The following DNAH5 variants were observed in gnomAD, a reference collection of about 807,000 sequenced individuals.
The protein encoded by DNAH5 is dynein axonemal heavy chain 5.
Under a neutral mutation model 518.2 loss-of-function variants are expected in DNAH5, and 372 were observed. That is an observed-to-expected ratio of 0.72 (90% CI 0.66 to 0.78). The LOEUF (loss-of-function observed/expected upper bound fraction) is 0.78, where lower values mean the gene tolerates loss of function less well. DNAH5 is among the 30% of genes least tolerant of loss of function. DNAH5 has a pLI of 0.00. For synonymous variants in DNAH5, 2,039 were observed against 2,025.9 expected (o/e 1.01, Z -0.17); for missense variants, 5,523 against 5,687.0 (o/e 0.97, Z 0.93).
intron 31 of DNAH5, among the ~76,000 whole-genome samples, chr5:13,846,791 G>A (rs1300320000): frequency 2.6e-5 from 4 of 152,158 alleles, no homozygotes; most frequent in African/African-American, 4.8e-5. Context: ...GTTCACTTTG[G>A]ACATGAGACA....
chr5:13,923,584 A>G, intron 3 of DNAH5, 144 bp from the exon 4 acceptor site: 2 of 855,084 alleles, frequency 2.3e-6, no homozygotes, highest in South Asian at 2.9e-5. Flanking sequence ...AACAATCTCT[A>G]GCATGAGCCG....
intron 21 of DNAH5, among the ~76,000 whole-genome samples, chr5:13,880,630 T>C (rs149118507): frequency 1.3e-5 from 2 of 151,900 alleles, no homozygotes; most frequent in Non-Finnish European, 2.9e-5. Flanking sequence ...AAATAGCCTA[T>C]AATTAGTATA....
intron 59 of DNAH5, among the ~76,000 whole-genome samples, chr5:13,765,447 A>C (rs1008993510): frequency 1.3e-5 from 2 of 152,208 alleles, no homozygotes; most frequent in Non-Finnish European, 2.9e-5. Flanking sequence ...TATCTGGATA[A>C]AGGTAAGGAT....
intron 1 of DNAH5, among the ~76,000 whole-genome samples, chr5:13,942,838 C>T (rs531863682): frequency 6.6e-6 from 1 of 152,284 alleles, no homozygotes; most frequent in African/African-American, 2.4e-5. Flanking sequence ...CCCATCACTC[C>T]CCAGATAGGT....
intron 49 of DNAH5, 150 bp from the exon 50 acceptor site, chr5:13,792,367 G>T: frequency 1.5e-6 from 1 of 661,472 alleles, no homozygotes; most frequent in Non-Finnish European, 2.6e-6. Flanking sequence ...ATGTTCTCTT[G>T]TTTTTTCAAA....
chr5:13,942,641 C>T (rs533870566), intron 1 of DNAH5, among the ~76,000 whole-genome samples: 1 of 152,200 alleles, frequency 6.6e-6, no homozygotes, highest in Non-Finnish European at 1.5e-5. Context: ...CTCCACCATC[C>T]CCCACGTGCT....
chr5:13,737,561 G>T (rs1429777820), intron 65 of DNAH5, 66 bp from the exon 66 acceptor site: 4 of 1,526,608 alleles, frequency 2.6e-6, no homozygotes, highest in Non-Finnish European at 3.6e-6. Context: ...TCCTTAAGAC[G>T]TTAACCTACA....
intron 62 of DNAH5, 71 bp from the exon 63 acceptor site, chr5:13,753,620 G>GA (rs568785201): frequency 3.7e-6 from 5 of 1,352,778 alleles, no homozygotes; most frequent in Non-Finnish European, 4.1e-6. Context: ...TATTAAAAAT[G>GA]AAAAAAATTA....
chr5:13,948,642 T>G (rs1202045603), upstream of DNAH5, among the ~76,000 whole-genome samples: 3 of 152,194 alleles, frequency 2.0e-5, no homozygotes, highest in Non-Finnish European at 2.9e-5. Context: ...TAAAAATGAT[T>G]GATTAATCTC....
chr5:13,755,244 C>A (rs1750829055), intron 61 of DNAH5, among the ~76,000 whole-genome samples: 1 of 152,044 alleles, frequency 6.6e-6, no homozygotes, highest in South Asian at 2.1e-4. Flanking sequence ...AGCTACCTGA[C>A]AAGTCACTGG....
chr5:13,734,993 A>T lies in DNAH5; in HGVS notation c.11761+138T>A, dbSNP rs527996878. On this transcript the variant is annotated intron_variant, in intron 68 of 78. Coordinates refer to ENST00000265104, the MANE Select transcript of DNAH5 (RefSeq NM_001369.3). ...TAGATAGTTATCACTCAAGAAAAGAACAAATAAAATATCTCATCTAAATGC... is the reference window on the plus strand; with the variant it reads ...TAGATAGTTATCACTCAAGAAAAGATCAAATAAAATATCTCATCTAAATGC... 3.8e-6 allele frequency: 3 copies of T among 792,526 alleles called. No homozygotes were observed. In the South Asian group the frequency reaches 4.5e-5, roughly 12 times the overall value. 49.1% of individuals were successfully genotyped at this position (792,526 alleles called of 1,614,324 possible).
intron 3 of DNAH5, among the ~76,000 whole-genome samples, chr5:13,926,547 G>A (rs1777890677): frequency 6.6e-6 from 1 of 152,154 alleles, no homozygotes; most frequent in Non-Finnish European, 1.5e-5. Flanking sequence ...GGATGAGGAG[G>A]GAAGAATATT....
chr5:13,713,466 T>TATATATATATATAC (rs1158251022), intron 75 of DNAH5, among the ~76,000 whole-genome samples: 1 of 98,322 alleles, frequency 1.0e-5, no homozygotes, highest in African/African-American at 4.8e-5. Flanking sequence ...TATATATATA[T>TATATATATATATAC]ACACACACCG....
chr5:13,825,469 T>C (rs1447056700), intron 38 of DNAH5, among the ~76,000 whole-genome samples: 3 of 152,168 alleles, frequency 2.0e-5, no homozygotes, highest in African/African-American at 4.8e-5. Flanking sequence ...CAAATGTCCA[T>C]TGACAGACGA....
intron 1 of DNAH5, among the ~76,000 whole-genome samples, chr5:13,936,399 T>C (rs188780657): frequency 6.6e-6 from 1 of 152,280 alleles, no homozygotes; most frequent in Admixed American, 6.5e-5. Context: ...AAGTAATCTA[T>C]CCATCTGATG....
intron 59 of DNAH5, among the ~76,000 whole-genome samples, chr5:13,763,259 C>T (rs534562143): frequency 1.3e-5 from 2 of 152,258 alleles, no homozygotes; most frequent in South Asian, 4.1e-4. Flanking sequence ...GGATGAATTA[C>T]AAACCCATAA....
intron 1 of DNAH5, among the ~76,000 whole-genome samples, chr5:14,006,582 CAT>C (rs1398413007): frequency 1.3e-5 from 2 of 152,310 alleles, no homozygotes; most frequent in Non-Finnish European, 2.9e-5. Context: ...GGAGCCCACA[CAT>C]ATGACCTAAT....
chr5:13,762,828 T>C lies in DNAH5; in HGVS notation c.10175A>G (p.Asn3392Ser). Residue 3392 changes from asparagine to serine, a missense_variant, in exon 60 of 79, where the codon AAC becomes AGC. Physicochemically the swap from Asn to Ser is conservative, Grantham distance 46 (BLOSUM62 1). Transcript: ENST00000265104. ...ACATACGCGTTTAGCAGTTTCGATG[T>C]TATAGTCAGGCATTTCAAAGTAAGG... ...LSPYFEMPDY[N>S]IETAKRVCGN... The C allele has an allele frequency of 6.2e-7, 1 of 1,614,050 alleles. No homozygotes were observed. Among genetic ancestry groups the C allele is most frequent in the East Asian group, 2.2e-5 (1 of 44,876 alleles).
At chr5:13,978,153 C>T (rs967374626) in intron 1 of DNAH5, among the ~76,000 whole-genome samples, 5 of 152,188 alleles carry the variant, frequency 3.3e-5, no homozygotes, top group Admixed American at 6.5e-5. Flanking sequence ...CACCTGCCTC[C>T]GGCCAAGAGA....
Sources: gnomAD v4.1 joint callset for allele counts (sites outside exome capture counted in the v4.1 genomes callset) on GRCh38, gnomAD v4.1.1 for gene constraint, MANE v1.5 for transcripts, NCBI Gene and HGNC (gene_info 2026-07-23, HGNC 2026-07-21) for gene names.